The following UGT1A9 variants were observed in gnomAD, a reference collection of about 807,000 sequenced individuals.
The protein encoded by UGT1A9 is UDP glucuronosyltransferase family 1 member A9.
In UGT1A9, 35 loss-of-function variants were observed where a neutral mutation model predicts 45.0. That is an observed-to-expected ratio of 0.78 (90% CI 0.59 to 1.03). UGT1A9 has a LOEUF of 1.03. UGT1A9 is among the 50% of genes least tolerant of loss of function. UGT1A9 has a pLI of 0.00. For synonymous variants in UGT1A9, 278 were observed against 250.6 expected (o/e 1.11, Z -1.03); for missense variants, 687 against 666.6 (o/e 1.03, Z -0.34).
At chr2:233,717,869 T>G in intron 1 of UGT1A9, 1 of 454,868 alleles carries the variant, frequency 2.2e-6, no homozygotes, top group South Asian at 1.6e-5. Context: ...TGGATTGACT[T>G]GGAGAAAAGC....
At chr2:233,695,283 T>A (rs546580338) in intron 1 of UGT1A9, among the ~76,000 whole-genome samples, 12 of 151,886 alleles carry the variant, frequency 7.9e-5, no homozygotes, top group Non-Finnish European at 8.8e-5. Flanking sequence ...GTGCCACCAT[T>A]CCCAGCTAAT....
At chr2:233,738,274 T>G (rs890858116) in intron 1 of UGT1A9, among the ~76,000 whole-genome samples, 8 of 152,200 alleles carry the variant, frequency 5.3e-5, no homozygotes, top group Non-Finnish European at 1.2e-4. Flanking sequence ...GCTCTTTCCT[T>G]TATAAATTAC....
At chr2:233,705,847 G>A (rs1288206523) in intron 1 of UGT1A9, among the ~76,000 whole-genome samples, 1 of 152,146 alleles carries the variant, frequency 6.6e-6, no homozygotes, top group African/African-American at 2.4e-5. Flanking sequence ...AGCTGAAGTG[G>A]GAAGCTGAGG....
At chr2:233,689,995 A>G (rs1388228753) in intron 1 of UGT1A9, 3 of 450,056 alleles carry the variant, frequency 6.7e-6, no homozygotes, top group Non-Finnish European at 1.3e-5. Flanking sequence ...AGGGATTCTC[A>G]CTTCATCTCA....
At chr2:233,768,773 AG>A (rs1386504904) in intron 4 of UGT1A9, among the ~76,000 whole-genome samples, 1 of 151,734 alleles carries the variant, frequency 6.6e-6, no homozygotes, top group Non-Finnish European at 1.5e-5. Context: ...TAGTAGAGAA[AG>A]GGTTTCACCA....
At chr2:233,721,695 A>G (rs928458069) in intron 1 of UGT1A9, 3 of 356,024 alleles carry the variant, frequency 8.4e-6, no homozygotes, top group African/African-American at 6.4e-5. Context: ...TGCAAGACGC[A>G]TGGCTCATCT....
intron 1 of UGT1A9, chr2:233,693,321 C>T: frequency 6.2e-7 from 1 of 1,614,222 alleles, no homozygotes. Flanking sequence ...TCATTCCTAA[C>T]TGCTCCTCAG....
intron 1 of UGT1A9, among the ~76,000 whole-genome samples, chr2:233,694,477 G>C (rs1005897043): frequency 3.3e-5 from 5 of 152,126 alleles, no homozygotes; most frequent in Non-Finnish European, 7.4e-5. Flanking sequence ...TATGGCCTCT[G>C]ACCTAAGACA....
At position 233,672,302 on chromosome 2, in the gene UGT1A9, AT is replaced by A. The variant is rs763306715; in HGVS notation, c.370del (p.Cys124AlafsTer10). 6.2e-7 allele frequency: 1 copy of A among 1,613,692 alleles called. No homozygotes were observed. The highest frequency in any genetic ancestry group is 8.5e-7 in the Non-Finnish European group (1 of 1,179,912). On this transcript the variant is annotated frameshift_variant, in exon 1 of 5. Transcript: ENST00000354728. LOFTEE classifies it high-confidence loss of function. ...GACATTTTTGACTTATTTTTTTCAA[AT>A]TGCAGGAGTTTGTTTAAAGACAAAA... is the stretch of plus-strand genomic sequence containing the variant. Reference protein sequence around the residue: ...YNDIFDLFFSNCRSLFKDKKL... With the variant: ...YNDIFDLFFSXCRSLFKDKKL...
rs1025205090 is a variant in UGT1A9, at chr2:233,748,083, G to A, written c.856-18951G>A. 35 of 1,612,864 alleles carry A rather than the reference G, an allele frequency of 2.2e-5. No homozygotes were observed. In the Middle Eastern group the frequency reaches 5.0e-4, roughly 23 times the overall value. On this transcript the variant is annotated intron_variant, in intron 1 of 4. Transcript: ENST00000354728. ...CAACAGGAAGCCACTATCTCAGGTC[G>A]GTGTTCGTGCCTTCATCCAATCAAT... is the stretch of plus-strand genomic sequence containing the variant.
chr2:233,695,902 G>T (rs184289698), intron 1 of UGT1A9, among the ~76,000 whole-genome samples: 229 of 151,998 alleles, frequency 1.5e-3, no homozygotes, highest in African/African-American at 4.9e-3. Context: ...AATGTGTGGG[G>T]TTTTTTTTCT....
chr2:233,770,320 A>G (rs1342178288), intron 4 of UGT1A9: 1 of 152,182 alleles, frequency 6.6e-6, no homozygotes, highest in African/African-American at 2.4e-5. Flanking sequence ...TATGCTGACA[A>G]CCAGGCCATA....
intron 1 of UGT1A9, chr2:233,693,582 C>G (rs755382467): frequency 6.2e-7 from 1 of 1,614,188 alleles, no homozygotes; most frequent in Non-Finnish European, 8.5e-7. Flanking sequence ...TCCTACATTC[C>G]CAGGTGCTAC....
At chr2:233,684,484 G>A (rs1575433006) in intron 1 of UGT1A9, among the ~76,000 whole-genome samples, 1 of 152,086 alleles carries the variant, frequency 6.6e-6, no homozygotes, top group African/African-American at 2.4e-5. Context: ...GTGGCTCAAA[G>A]GGTCACCCAA....
At chr2:233,683,286 A>G (rs915377782) in intron 1 of UGT1A9, among the ~76,000 whole-genome samples, 1 of 152,098 alleles carries the variant, frequency 6.6e-6, no homozygotes, top group African/African-American at 2.4e-5. Context: ...TAAGTTAAAG[A>G]TATCTTTACA....
At chr2:233,743,792 G>C (rs775660405) in intron 1 of UGT1A9, 3 of 1,367,294 alleles carry the variant, frequency 2.2e-6, no homozygotes, top group Non-Finnish European at 2.9e-6. Flanking sequence ...TCTCCTCTCC[G>C]CTTCCTCCTT....
At chr2:233,691,789 A>G (rs1475336868) in intron 1 of UGT1A9, 1 of 250,072 alleles carries the variant, frequency 4.0e-6, no homozygotes, top group African/African-American at 2.3e-5. Flanking sequence ...TACTGGCTAG[A>G]CTTATACTTC....
chr2:233,729,416 C>G, intron 1 of UGT1A9: 1 of 1,613,628 alleles, frequency 6.2e-7, no homozygotes, highest in Non-Finnish European at 8.5e-7. Flanking sequence ...CTGGGCCACA[C>G]TCAACTGTAC....
At chr2:233,705,525 C>T (rs550344536) in intron 1 of UGT1A9, among the ~76,000 whole-genome samples, 2 of 152,190 alleles carry the variant, frequency 1.3e-5, no homozygotes, top group South Asian at 4.1e-4. Flanking sequence ...GGGGAGATTA[C>T]CTTCAGCTGT....
Sources: gnomAD v4.1 joint callset for allele counts (sites outside exome capture counted in the v4.1 genomes callset) on GRCh38, gnomAD v4.1.1 for gene constraint, MANE v1.5 for transcripts, NCBI Gene and HGNC (gene_info 2026-07-23, HGNC 2026-07-21) for gene names.